The following DPP6 variants were observed in gnomAD, a reference collection of about 807,000 sequenced individuals.
DPP6 encodes the protein dipeptidyl peptidase like 6.
In DPP6, 69 loss-of-function variants were observed where a neutral mutation model predicts 122.6. That is an observed-to-expected ratio of 0.56 (90% CI 0.46 to 0.69). The LOEUF is 0.69. Ranked by LOEUF, DPP6 falls within the 30% of genes least tolerant of loss-of-function variation. DPP6 has a pLI of 0.00. For missense variants in DPP6, 928 were observed against 1,116.9 expected (o/e 0.83, Z 2.41); for synonymous variants, 418 against 433.1 (o/e 0.97, Z 0.43).
intron 16 of DPP6, among the ~76,000 whole-genome samples, chr7:154,829,750 G>A (rs1800482440): frequency 1.3e-5 from 2 of 152,074 alleles, no homozygotes; most frequent in African/African-American, 4.8e-5. Context: ...AATTCTAAGA[G>A]GAACTGCAGA....
intron 2 of DPP6, among the ~76,000 whole-genome samples, chr7:154,449,362 A>C (rs933499101): frequency 1.3e-5 from 2 of 152,242 alleles, no homozygotes; most frequent in Non-Finnish European, 2.9e-5. Flanking sequence ...ATGAAAATCA[A>C]ATCACAATGA....
intron 1 of DPP6, among the ~76,000 whole-genome samples, chr7:154,294,578 T>TG (rs552692853): frequency 9.2e-5 from 14 of 152,250 alleles, no homozygotes; most frequent in Non-Finnish European, 1.9e-4. Flanking sequence ...CGTGAAGGTT[T>TG]GGGGGATATT....
intron 16 of DPP6, among the ~76,000 whole-genome samples, chr7:154,812,869 T>C (rs1323742873): frequency 2.6e-5 from 4 of 152,196 alleles, no homozygotes; most frequent in African/African-American, 9.7e-5. Context: ...TAGAGTTCCA[T>C]CTAGCAGTAT....
At chr7:154,373,048 G>A (rs1812810720) in intron 1 of DPP6, among the ~76,000 whole-genome samples, 1 of 152,210 alleles carries the variant, frequency 6.6e-6, no homozygotes, top group Admixed American at 6.5e-5. Flanking sequence ...CCTTCCTGCT[G>A]TCTTGCCCTG....
At chr7:154,800,764 C>A (rs1034075175) in intron 12 of DPP6, among the ~76,000 whole-genome samples, 1 of 152,192 alleles carries the variant, frequency 6.6e-6, no homozygotes, top group Non-Finnish European at 1.5e-5. Flanking sequence ...GTTTTAGAAC[C>A]CGTGGCATTT....
At chr7:154,126,668 T>A (rs1807909442) in intron 1 of DPP6, among the ~76,000 whole-genome samples, 1 of 151,466 alleles carries the variant, frequency 6.6e-6, no homozygotes, top group Non-Finnish European at 1.5e-5. Flanking sequence ...CTTTGCTGCA[T>A]GCTTCAGTCT....
At chr7:154,298,390 AAT>A (rs1805684801) in intron 1 of DPP6, among the ~76,000 whole-genome samples, 1 of 152,102 alleles carries the variant, frequency 6.6e-6, no homozygotes, top group Non-Finnish European at 1.5e-5. Flanking sequence ...ACAGCATTCT[AAT>A]ATTCTGGAGA....
intron 4 of DPP6, among the ~76,000 whole-genome samples, chr7:154,555,415 A>G (rs903696327): frequency 2.6e-5 from 4 of 152,110 alleles, no homozygotes; most frequent in Admixed American, 1.3e-4. Context: ...GAATTGAACA[A>G]TGAGAACACT....
chr7:153,932,052 A>G (rs1801193028), intron 1 of DPP6, among the ~76,000 whole-genome samples: 1 of 152,108 alleles, frequency 6.6e-6, no homozygotes, highest in Non-Finnish European at 1.5e-5. Context: ...GAGACTTGTA[A>G]AAGGTGAGAG....
intron 1 of DPP6, among the ~76,000 whole-genome samples, chr7:154,141,515 A>C (rs1347719374): frequency 2.0e-5 from 3 of 152,206 alleles, no homozygotes; most frequent in African/African-American, 7.2e-5. Context: ...ATTTGAATGA[A>C]CAAATCAATC....
intron 1 of DPP6, among the ~76,000 whole-genome samples, chr7:154,377,221 T>A (rs2052216): frequency 0.6 from 90,464 of 151,832 alleles, 30,553 homozygotes; most frequent in East Asian, 0.75. Context: ...GGGCAGTGAG[T>A]CATGAACAGT....
chr7:154,073,052 C>T (rs1034055733), intron 1 of DPP6, among the ~76,000 whole-genome samples: 5 of 152,230 alleles, frequency 3.3e-5, no homozygotes, highest in South Asian at 4.1e-4. Context: ...GCTGCCATCT[C>T]GGGCCAATAT....
intron 1 of DPP6, among the ~76,000 whole-genome samples, chr7:154,401,622 T>C (rs1431211452): frequency 1.3e-5 from 2 of 152,152 alleles, no homozygotes; most frequent in Admixed American, 6.5e-5. Context: ...ACTTAAACGT[T>C]AAACCTAAAA....
intron 1 of DPP6, among the ~76,000 whole-genome samples, chr7:154,267,724 CATAT>C (rs1299931834): frequency 8.4e-6 from 1 of 118,698 alleles, no homozygotes; most frequent in Non-Finnish European, 1.7e-5. Context: ...TGCACACATA[CATAT>C]ATATGTGTGT....
the DPP6 span, among the ~76,000 whole-genome samples, chr7:153,807,432 A>C: frequency 2.9e-3 from 426 of 148,740 alleles, 3 homozygotes; most frequent in Middle Eastern, 6.8e-3. Context: ...AACAAACAAA[A>C]AAAAAAACAA....
rs143011042 is a variant in DPP6 at position 153,934,379 on chromosome 7, C to G, written c.51+46645C>G. ...TCAAGGCTGTTCTTGTTTATTTTGA[C>G]CAGATAATAAAATAACAGTGTGGAA... On this transcript the variant is annotated intron_variant, in intron 1 of 25. Coordinates refer to the DPP6 transcript ENST00000404039. 4.3e-3 allele frequency among the ~76,000 whole-genome samples: 655 copies of G among 151,854 alleles called. 7 individuals carry two copies. The highest frequency in any genetic ancestry group is 0.015 in the African/African-American group (629 of 41,404).
intron 1 of DPP6, among the ~76,000 whole-genome samples, chr7:154,402,839 A>G (rs1317941281): frequency 1.3e-5 from 2 of 152,166 alleles, no homozygotes; most frequent in African/African-American, 4.8e-5. Flanking sequence ...TAGTTTCCCA[A>G]TACTGTTATT....
chr7:154,324,661 C>A (rs1379248331), intron 1 of DPP6, among the ~76,000 whole-genome samples: 1 of 152,118 alleles, frequency 6.6e-6, no homozygotes, highest in Non-Finnish European at 1.5e-5. Flanking sequence ...TTCGTTTCAC[C>A]CAGGCAGGAA....
Position 154,481,200 on chromosome 7 carries a change from C to G in DPP6, c.457+6163C>G, listed in dbSNP as rs914108400. ...TCTAACTTTAAAAGTCTGAATTCCT[C>G]AAGTTTCTCACTTATCCTCACTTTG... is the stretch of plus-strand genomic sequence containing the variant. On this transcript the variant is annotated intron_variant, in intron 3 of 25. Coordinates refer to ENST00000377770, the MANE Select transcript of DPP6 (RefSeq NM_130797.4). This position sits in a 1 kb window ranked among gnomAD's most constrained non-coding sequence, Gnocchi z 4.2. 2.0e-5 allele frequency among the ~76,000 whole-genome samples: 3 copies of G among 152,144 alleles called. No individual in the cohort carries two copies. The highest frequency in any genetic ancestry group is 4.4e-5 in the Non-Finnish European group (3 of 68,032).
Sources: allele counts gnomAD v4.1 joint callset (sites outside exome capture counted in the v4.1 genomes callset), GRCh38; gene constraint gnomAD v4.1.1; non-coding constraint Gnocchi (gnomAD v3.1); transcripts MANE v1.5; gene names NCBI Gene and HGNC (gene_info 2026-07-23, HGNC 2026-07-21).